The following HDAC4 variants were observed in gnomAD, a reference collection of about 807,000 sequenced individuals.
The protein encoded by HDAC4 is histone deacetylase A.
Under a neutral mutation model 135.1 loss-of-function variants are expected in HDAC4, and 16 were observed. That is an observed-to-expected ratio of 0.12 (90% CI 0.08 to 0.18). HDAC4 has a LOEUF of 0.18. Ranked by LOEUF, HDAC4 falls within the 10% of genes least tolerant of loss-of-function variation. The pLI is 1.00. For synonymous variants in HDAC4, 685 were observed against 653.4 expected (o/e 1.05, Z -0.74); for missense variants, 1,143 against 1,511.8 (o/e 0.76, Z 4.05).
rs979594960 is a variant in HDAC4, at chr2:239,303,577, TTC to T, written c.22+49099_22+49100del. 8.6e-5 allele frequency among the ~76,000 whole-genome samples: 13 copies of T among 152,010 alleles called. No homozygotes were observed. The highest frequency in any genetic ancestry group is 1.8e-4 in the Non-Finnish European group (12 of 67,970). On this transcript the variant is annotated intron_variant, in intron 2 of 26. Transcript: ENST00000543185. This position sits in a 1 kb window ranked among gnomAD's most constrained non-coding sequence, Gnocchi z 5.1. ...TCTCATCAATGTTACGTTGTCAGCT[TTC>T]TCTGTTTTCTTTCTTTCTTTTTTTT...
At chr2:239,247,594 T>C (rs995239592) in intron 2 of HDAC4, among the ~76,000 whole-genome samples, 4 of 152,206 alleles carry the variant, frequency 2.6e-5, no homozygotes, top group African/African-American at 9.7e-5. Context: ...CGAAAACCAC[T>C]ATACAGACGA....
chr2:239,252,908 C>T (rs1411393045), intron 2 of HDAC4, among the ~76,000 whole-genome samples: 4 of 152,232 alleles, frequency 2.6e-5, no homozygotes, highest in Non-Finnish European at 4.4e-5. Flanking sequence ...GCCTGTTCTC[C>T]GCCAGGAACG....
At chr2:239,251,072 G>A (rs1041229008) in intron 2 of HDAC4, among the ~76,000 whole-genome samples, 4 of 152,350 alleles carry the variant, frequency 2.6e-5, no homozygotes, top group African/African-American at 9.6e-5. Flanking sequence ...AGAGGATGAC[G>A]TGGGGTGGAA....
chr2:239,342,794 G>A (rs369019884), intron 2 of HDAC4, among the ~76,000 whole-genome samples: 4 of 152,296 alleles, frequency 2.6e-5, no homozygotes, highest in African/African-American at 9.6e-5. Context: ...GCCACCATAA[G>A]CCAGCCGGGC....
chr2:239,344,931 G>A (rs1575723963), intron 2 of HDAC4, among the ~76,000 whole-genome samples: 1 of 151,986 alleles, frequency 6.6e-6, no homozygotes, highest in African/African-American at 2.4e-5. Flanking sequence ...AGAACCCCCA[G>A]GGCTGCCCAC....
At chr2:239,385,020 G>T (rs942631340) in intron 1 of HDAC4, among the ~76,000 whole-genome samples, 8 of 152,102 alleles carry the variant, frequency 5.3e-5, no homozygotes, top group Non-Finnish European at 1.2e-4. Context: ...GACATTTTGT[G>T]CACAGGGACA....
chr2:239,056,940 G>A (rs1035186094), intron 24 of HDAC4, among the ~76,000 whole-genome samples: 1 of 152,200 alleles, frequency 6.6e-6, no homozygotes, highest in African/African-American at 2.4e-5. Context: ...CAAAATCTCT[G>A]GCCAGTGCTC....
chr2:239,052,959 G>A lies in HDAC4; in HGVS notation c.*138C>T, dbSNP rs190059174. On this transcript the variant is annotated 3_prime_UTR_variant, in exon 27 of 27. Coordinates refer to ENST00000543185, the MANE Select transcript of HDAC4 (RefSeq NM_001378414.1). ...GGCCTGGGCGGCAGAAAGGCTTCCC[G>A]TGGCTGTTGCACGCTGGGTGTCCCT... is the stretch of plus-strand genomic sequence containing the variant. 9,465 of 999,266 alleles carry A rather than the reference G, an allele frequency of 9.5e-3. 72 individuals are homozygous for A. The highest frequency in any genetic ancestry group is 0.011 in the Non-Finnish European group (6,998 of 626,480). The allele number at this position is 999,266 out of a possible 1,614,324, so 61.9% of individuals were successfully genotyped here.
chr2:239,360,938 T>C (rs1693826200), intron 1 of HDAC4, among the ~76,000 whole-genome samples: 1 of 152,142 alleles, frequency 6.6e-6, no homozygotes, highest in Non-Finnish European at 1.5e-5. Flanking sequence ...CCAGACGGCT[T>C]AGAGGCTGCA....
chr2:239,202,378 A>AC (rs1167144774), intron 3 of HDAC4, among the ~76,000 whole-genome samples: 10 of 152,206 alleles, frequency 6.6e-5, no homozygotes, highest in African/African-American at 1.2e-4. Context: ...ACGAGAAGAA[A>AC]CAGGTAACAC....
intron 6 of HDAC4, among the ~76,000 whole-genome samples, chr2:239,159,711 T>A (rs1290526399): frequency 6.6e-6 from 1 of 151,942 alleles, no homozygotes; most frequent in African/African-American, 2.4e-5. Context: ...CACTCCACAC[T>A]CACACAGTCA....
chr2:239,159,500 CCCA>C (rs1393435956), intron 6 of HDAC4, among the ~76,000 whole-genome samples: 1 of 149,056 alleles, frequency 6.7e-6, no homozygotes, highest in Non-Finnish European at 1.5e-5. Context: ...ACCCCACACA[CCCA>C]CACTTCATGC....
chr2:239,394,514 G>A (rs1465794767), intron 1 of HDAC4, among the ~76,000 whole-genome samples: 23 of 152,328 alleles, frequency 1.5e-4, no homozygotes, highest in Non-Finnish European at 7.3e-5. Context: ...CACAACAGTC[G>A]CATTTGCCAC....
chr2:239,260,931 A>G (rs778203282), intron 2 of HDAC4, among the ~76,000 whole-genome samples: 9 of 152,074 alleles, frequency 5.9e-5, no homozygotes, highest in Non-Finnish European at 1.0e-4. Flanking sequence ...CCAGCTTCCT[A>G]CGTGGAAGAT....
At chr2:239,237,829 GACA>G (rs1481869912) in intron 2 of HDAC4, among the ~76,000 whole-genome samples, 1 of 152,064 alleles carries the variant, frequency 6.6e-6, no homozygotes, top group African/African-American at 2.4e-5. Context: ...TCAAAATGAA[GACA>G]ACAACAAAAA....
At chr2:239,184,826 C>A (rs28631101) in intron 4 of HDAC4, among the ~76,000 whole-genome samples, 51 of 17,008 alleles carry the variant, frequency 3.0e-3, no homozygotes, top group South Asian at 0.016. Flanking sequence ...GTCCTGGAGA[C>A]TGTGTCCTAT....
chr2:239,075,684 C>T (rs116561016), intron 22 of HDAC4, among the ~76,000 whole-genome samples: 625 of 152,338 alleles, frequency 4.1e-3, no homozygotes, highest in Non-Finnish European at 6.7e-3. Context: ...ATCCCCTTCC[C>T]GTGGCCTCAA....
chr2:239,303,565 A>T lies in HDAC4; in HGVS notation c.22+49113T>A, dbSNP rs1575656184. Among the ~76,000 whole-genome samples, 1 of 149,474 alleles carries T rather than the reference A, an allele frequency of 6.7e-6. No individual in the cohort carries two copies. The highest frequency in any genetic ancestry group is 1.5e-5 in the Non-Finnish European group (1 of 67,584). On this transcript the variant is annotated intron_variant, in intron 2 of 26. Transcript: ENST00000543185. The surrounding 1 kb of genome is among the most constrained non-coding windows in gnomAD (Gnocchi z 5.1). ...CCTTAAGAATCCTCTCATCAATGTTACGTTGTCAGCTTTCTCTGTTTTCTT... is the reference window on the plus strand; with the variant it reads ...CCTTAAGAATCCTCTCATCAATGTTTCGTTGTCAGCTTTCTCTGTTTTCTT...
At chr2:239,081,998 G>A (rs1012355328) in intron 21 of HDAC4, 104 bp downstream of exon 21, 309 of 1,254,450 alleles carry the variant, frequency 2.5e-4, no homozygotes, top group Non-Finnish European at 3.3e-4. Context: ...CACGAAGGCC[G>A]CACTCACTGC....
Sources: gnomAD v4.1 joint callset for allele counts (sites outside exome capture counted in the v4.1 genomes callset) on GRCh38, gnomAD v4.1.1 for gene constraint, Gnocchi (gnomAD v3.1) non-coding constraint, MANE v1.5 for transcripts, NCBI Gene and HGNC (gene_info 2026-07-23, HGNC 2026-07-21) for gene names.